The following INTS8 variants were observed in gnomAD, a reference collection of about 807,000 sequenced individuals.
INTS8 encodes protein kaonashi-1.
Under a neutral mutation model 138.9 loss-of-function variants are expected in INTS8, and 47 were observed. That is an observed-to-expected ratio of 0.34 (90% CI 0.27 to 0.43). INTS8 has a LOEUF of 0.43. Among genes scored for constraint, INTS8 ranks in the 20% least tolerant of loss-of-function variants. The pLI is 1.00. For synonymous variants in INTS8, 392 were observed against 400.9 expected (o/e 0.98, Z 0.27); for missense variants, 996 against 1,173.0 (o/e 0.85, Z 2.20).
intron 14 of INTS8, 89 bp from the exon 15 acceptor site, chr8:94,856,688 C>T (rs1300132589): frequency 9.8e-7 from 1 of 1,021,562 alleles, no homozygotes; most frequent in East Asian, 2.4e-5. Flanking sequence ...TTGAAATAAT[C>T]CTTCTCCTCT....
chr8:94,867,075 G>A, intron 18 of INTS8, 65 bp from the exon 19 acceptor site: 1 of 1,215,694 alleles, frequency 8.2e-7, no homozygotes, highest in Non-Finnish European at 1.2e-6. Context: ...CTGTGAGGTT[G>A]ACAGGAGCAA....
In INTS8 at chr8:94,881,482, T is replaced by C; in HGVS notation, c.*1248T>C. 1 of 681,658 alleles carries C rather than the reference T, an allele frequency of 1.5e-6. No individual in the cohort carries two copies. The highest frequency in any genetic ancestry group is 2.5e-6 in the Non-Finnish European group (1 of 406,098). 42.2% of individuals were successfully genotyped at this position (681,658 alleles called of 1,614,324 possible). ...ATTAAATGTATTCTTTAGTGCCAAT[T>C]GTAAGTTTTAAAATCAGAATGGCAG... On this transcript the variant is annotated 3_prime_UTR_variant, in exon 27 of 27. Transcript: ENST00000523731.
chr8:94,848,887 C>T (rs904604257), intron 10 of INTS8, among the ~76,000 whole-genome samples: 3 of 151,852 alleles, frequency 2.0e-5, no homozygotes, highest in Admixed American at 6.6e-5. Flanking sequence ...TAGGAGGAAT[C>T]CTAATCTAAT....
intron 10 of INTS8, among the ~76,000 whole-genome samples, chr8:94,845,434 A>T (rs1296374979): frequency 6.6e-6 from 1 of 151,960 alleles, no homozygotes; most frequent in Non-Finnish European, 1.5e-5. Flanking sequence ...CCATGTCCTG[A>T]TACCATCGAG....
intron 2 of INTS8, among the ~76,000 whole-genome samples, chr8:94,825,444 AT>A (rs1814463401): frequency 6.6e-6 from 1 of 151,306 alleles, no homozygotes; most frequent in African/African-American, 2.4e-5. Flanking sequence ...AAAAAAAATA[AT>A]AAAATAAATA....
At position 94,880,036 on chromosome 8, in the gene INTS8, C is replaced by T. The variant is rs576261068; in HGVS notation, c.2872-82C>T. On this transcript the variant is annotated intron_variant, in intron 26 of 26. Transcript: ENST00000523731. ...TCATTAAACTGTATCGTTGTTAGCA[C>T]GTAGGTAGCTTTATATTACTTGTAC... is the stretch of plus-strand genomic sequence containing the variant. 7.8e-5 allele frequency: 68 copies of T among 868,218 alleles called. 1 individual carries two copies. The South Asian group carries it at 8.9e-4, about 11-fold the overall frequency. The allele number at this position is 868,218 out of a possible 1,614,324, so 53.8% of individuals were successfully genotyped here.
chr8:94,849,393 G>A, intron 10 of INTS8, 69 bp from the exon 11 acceptor site: 1 of 833,692 alleles, frequency 1.2e-6, no homozygotes, highest in Non-Finnish European at 2.0e-6. Context: ...TTTAAATCCA[G>A]CCTTTTCAAA....
rs1816775688 is a variant in INTS8 at position 94,880,730 on chromosome 8, C to CACAA, written c.*500_*503dup. The CACAA allele has an allele frequency of 2.5e-6, 1 of 396,166 alleles. No homozygotes were observed. The allele number at this position is 396,166 out of a possible 1,614,324, so 24.5% of individuals were successfully genotyped here. ...AATTTAGAAAGGACCTTAACAGTTT[C>CACAA]ACAAACATAAATAAAGCCTTAGTCA... On this transcript the variant is annotated 3_prime_UTR_variant, in exon 27 of 27. Transcript: ENST00000523731.
chr8:94,835,496 C>T (rs1164040687), intron 6 of INTS8, among the ~76,000 whole-genome samples: 2 of 152,128 alleles, frequency 1.3e-5, no homozygotes, highest in Non-Finnish European at 2.9e-5. Flanking sequence ...CAGTATGTTA[C>T]GGTAGACGTG....
rs192638306 is a variant in INTS8 at position 94,858,358 on chromosome 8, C to G, written c.1955-1153C>G. Among the ~76,000 whole-genome samples the G allele has an allele frequency of 3.3e-4, 51 of 152,254 alleles. 1 individual carries two copies. Among genetic ancestry groups the G allele is most frequent in the Admixed American group, 1.6e-3 (24 of 15,290 alleles). ...TTATAGATCATAACTTTTTAGTACC[C>G]TATAGAGAGAATGCCTTTGAGCTTT... is the stretch of plus-strand genomic sequence containing the variant. On this transcript the variant is annotated intron_variant, in intron 15 of 26. Transcript: ENST00000523731.
chr8:94,842,279 G>T lies in INTS8; in HGVS notation c.1119-68G>T. On this transcript the variant is annotated intron_variant, in intron 9 of 26. Transcript: ENST00000523731. ...TAAATGGCTCATTCTTGTGAATATA[G>T]TTGTATAATATACACCTTTCTTTTG... The T allele has an allele frequency of 1.4e-5, 15 of 1,048,500 alleles. No individual in the cohort carries two copies. In the South Asian group the frequency reaches 2.6e-4, roughly 18 times the overall value. The allele number at this position is 1,048,500 out of a possible 1,614,324, so 64.9% of individuals were successfully genotyped here. A position where few individuals can be genotyped will look rare whatever the true frequency, so the allele number is the denominator to read the frequency against.
rs568704726 is a variant in INTS8, at chr8:94,871,440, C to T, written c.2415-444C>T. Among the ~76,000 whole-genome samples, 7 of 151,420 alleles carry T rather than the reference C, an allele frequency of 4.6e-5. No homozygotes were observed. In the East Asian group the frequency reaches 5.8e-4, roughly 13 times the overall value. On this transcript the variant is annotated intron_variant, in intron 20 of 26. Transcript: ENST00000523731. ...TTGCAGTGAGCTGAGATCGTGCCAC[C>T]GCACTCCAACCTGGGCGACAGAGTG... is the stretch of plus-strand genomic sequence containing the variant.
At position 94,876,301 on chromosome 8, in the gene INTS8, T is replaced by C. The variant is rs1390761014; in HGVS notation, c.2827+16T>C. On this transcript the variant is annotated intron_variant, in intron 25 of 26. Transcript: ENST00000523731. ...TACTTGACTTGTATCCTTTCATCCA[T>C]GTGTGTGATGTTAGAATGATCCATT... is the stretch of plus-strand genomic sequence containing the variant. 6.3e-7 allele frequency: 1 copy of C among 1,584,768 alleles called. No individual in the cohort carries two copies.
rs140087748 is a variant in INTS8, at chr8:94,829,072, T to G, written c.570+46T>G. On this transcript the variant is annotated intron_variant, in intron 5 of 26. Transcript: ENST00000523731. ...CACAGTAACACTTCAGGAACAACTT[T>G]AGAGCAGCAGTTCCCAACCTTTTTG... 5.6e-4 allele frequency: 783 copies of G among 1,401,774 alleles called. 4 individuals carry two copies. In the African/African-American group the frequency reaches 9.5e-3, roughly 17 times the overall value. The allele number at this position is 1,401,774 out of a possible 1,614,324, so 86.8% of individuals were successfully genotyped here. A position where few individuals can be genotyped will look rare whatever the true frequency, so the allele number is the denominator to read the frequency against.
chr8:94,833,025 T>C (rs142915564), intron 6 of INTS8, among the ~76,000 whole-genome samples: 214 of 152,094 alleles, frequency 1.4e-3, no homozygotes, highest in African/African-American at 4.9e-3. Context: ...GACATCTCTC[T>C]CTCTCTCTTT....
chr8:94,836,114 G>A (rs1392717018), intron 6 of INTS8, among the ~76,000 whole-genome samples: 1 of 152,090 alleles, frequency 6.6e-6, no homozygotes, highest in Non-Finnish European at 1.5e-5. Context: ...TCTAGTTTCC[G>A]GGGACAGCAC....
At chr8:94,856,086 AC>A (rs1815735640) in intron 14 of INTS8, among the ~76,000 whole-genome samples, 1 of 152,196 alleles carries the variant, frequency 6.6e-6, no homozygotes, top group Non-Finnish European at 1.5e-5. Context: ...TGTGAGGACC[AC>A]ACAAATGTAG....
chr8:94,862,682 A>T (rs976533618), intron 16 of INTS8, among the ~76,000 whole-genome samples: 1 of 152,200 alleles, frequency 6.6e-6, no homozygotes, highest in Non-Finnish European at 1.5e-5. Context: ...TTCATATGTC[A>T]TCTGGTGGTT....
In INTS8 at chr8:94,881,067, C is replaced by A; in HGVS notation, c.*833C>A. On this transcript the variant is annotated 3_prime_UTR_variant, in exon 27 of 27. Transcript: ENST00000523731. Reference sequence around the variant, plus strand: ...TAGTTTAAAAAACATTAAATTTCACCATTTGTAGAAATTCAAGTTTTATAA... The same window carrying A: ...TAGTTTAAAAAACATTAAATTTCACAATTTGTAGAAATTCAAGTTTTATAA... 2.5e-6 allele frequency: 1 copy of A among 397,782 alleles called. No individual in the cohort carries two copies. The highest frequency in any genetic ancestry group is 1.3e-4 in the South Asian group (1 of 7,518). The allele number at this position is 397,782 out of a possible 1,614,324, so 24.6% of individuals were successfully genotyped here.
Sources: allele counts gnomAD v4.1 joint callset (sites outside exome capture counted in the v4.1 genomes callset), GRCh38; gene constraint gnomAD v4.1.1; transcripts MANE v1.5; gene names NCBI Gene and HGNC (gene_info 2026-07-23, HGNC 2026-07-21).